The following MROH7 variants were observed in gnomAD, a reference collection of about 807,000 sequenced individuals.
MROH7 encodes the protein maestro heat-like repeat-containing protein family member 7.
MROH7 carries 113 observed loss-of-function variants against 129.2 expected under a neutral mutation model. That is an observed-to-expected ratio of 0.87 (90% CI 0.75 to 1.02). MROH7 has a LOEUF of 1.02. Ranked by LOEUF, MROH7 falls within the 50% of genes least tolerant of loss-of-function variation. MROH7 has a pLI of 0.00. For missense variants in MROH7, 1,601 were observed against 1,671.3 expected (o/e 0.96, Z 0.73); for synonymous variants, 655 against 667.9 (o/e 0.98, Z 0.30).
rs138481816 is a variant in MROH7, at chr1:54,653,879, A to G, written c.953A>G (p.Asn318Ser). 1,218 of 1,613,586 alleles carry G rather than the reference A, an allele frequency of 7.5e-4. No homozygotes were observed. Among genetic ancestry groups the G allele is most frequent in the Non-Finnish European group, 7.9e-4 (934 of 1,179,888 alleles). ...ISLHSSTHEP[N>S]STISPPSCMT... ...CTGCACTCCAGCACCCATGAGCCCA[A>G]CTCCACCATCTCTCCACCCTCATGC... The change falls in exon 3 of 24, where the codon AAC becomes AGC. Residue 318 changes from asparagine to serine, a missense_variant. Transcript: ENST00000421030.
chr1:54,648,368 ATTTAT>A (rs1485597484), intron 1 of MROH7, among the ~76,000 whole-genome samples: 1 of 149,470 alleles, frequency 6.7e-6, no homozygotes, highest in African/African-American at 2.5e-5. Flanking sequence ...TTATTTATTT[ATTTAT>A]TTATTTTTTG....
intron 3 of MROH7, chr1:54,663,865 C>G (rs41297849): frequency 9.2e-6 from 4 of 434,334 alleles, no homozygotes; most frequent in Admixed American, 2.7e-5. Context: ...AAGCTAAGAT[C>G]TTGGTGTTGG....
rs1308873626 is a variant in MROH7 at position 54,653,552 on chromosome 1, C to T, written c.626C>T (p.Ser209Phe). ...KALLIPTSNS[S>F]LDLDSNPLLN... ...CTCCTTATTCCAACCTCAAACTCTT[C>T]TCTGGACCTTGACTCCAATCCATTG... Residue 209 changes from serine (S) to phenylalanine (F), a missense_variant, in exon 3 of 24, where the codon TCT becomes TTT. Coordinates refer to ENST00000421030, the MANE Select transcript of MROH7 (RefSeq NM_001039464.4). The T allele has an allele frequency of 6.2e-7, 1 of 1,614,174 alleles. No individual in the cohort carries two copies.
rs1644598321 is a variant in MROH7, at chr1:54,653,854, C to T, written c.928C>T (p.Leu310=). The T allele has an allele frequency of 5.0e-6, 8 of 1,613,976 alleles. No individual in the cohort carries two copies. The highest frequency in any genetic ancestry group is 5.9e-6 in the Non-Finnish European group (7 of 1,179,960). ...TCCTGGCTCCAGCTATGGTATCAGCCTGCACTCCAGCACCCATGAGCCCAA... is the reference window on the plus strand; with the variant it reads ...TCCTGGCTCCAGCTATGGTATCAGCTTGCACTCCAGCACCCATGAGCCCAA... ...LIPGSSYGIS[L]HSSTHEPNST... The change falls in exon 3 of 24, where the codon CTG becomes TTG. Residue 310 remains leucine, a synonymous_variant. Coordinates refer to ENST00000421030, the MANE Select transcript of MROH7 (RefSeq NM_001039464.4).
rs79674244 is a variant in MROH7 at position 54,703,733 on chromosome 1, T to C, written c.3564+988T>C. 2.1e-4 allele frequency among the ~76,000 whole-genome samples: 32 copies of C among 152,270 alleles called. No homozygotes were observed. The East Asian group carries it at 5.8e-3, about 28-fold the overall frequency. On this transcript the variant is annotated intron_variant, in intron 21 of 23. Coordinates refer to ENST00000421030, the MANE Select transcript of MROH7 (RefSeq NM_001039464.4). This position sits in a 1 kb window ranked among gnomAD's most constrained non-coding sequence, Gnocchi z 4.4. ...GGAGGATTTGCCCGCGGTCTCAATCTACCTTCCCTGTTGTTGTGGGCAGCA... is the reference window on the plus strand; with the variant it reads ...GGAGGATTTGCCCGCGGTCTCAATCCACCTTCCCTGTTGTTGTGGGCAGCA...
chr1:54,707,200 C>A (rs1360573336), intron 22 of MROH7, among the ~76,000 whole-genome samples: 1 of 152,146 alleles, frequency 6.6e-6, no homozygotes, highest in Non-Finnish European at 1.5e-5. Flanking sequence ...CCGACAGGAC[C>A]CTTCTGATGG....
intron 21 of MROH7, among the ~76,000 whole-genome samples, chr1:54,704,102 C>T (rs747119504): frequency 7.2e-5 from 11 of 152,202 alleles, no homozygotes; most frequent in Admixed American, 2.6e-4. Flanking sequence ...TACAAAGCCA[C>T]AAATTGTTAC....
intron 15 of MROH7, among the ~76,000 whole-genome samples, chr1:54,689,065 C>T (rs1218754899): frequency 6.6e-6 from 1 of 152,126 alleles, no homozygotes; most frequent in Non-Finnish European, 1.5e-5. Context: ...TGGTGGCCCC[C>T]GAAAGACATG....
intron 3 of MROH7, among the ~76,000 whole-genome samples, chr1:54,658,804 GA>G (rs1230370336): frequency 6.6e-6 from 1 of 152,102 alleles, no homozygotes; most frequent in African/African-American, 2.4e-5. Context: ...TGGTAGTGGG[GA>G]TGGGGGTGCT....
chr1:54,657,206 C>T (rs936673646), intron 3 of MROH7, among the ~76,000 whole-genome samples: 5 of 151,500 alleles, frequency 3.3e-5, no homozygotes, highest in Admixed American at 6.6e-5. Context: ...TGCCACCCTA[C>T]TCAGCTAATT....
Position 54,673,236 on chromosome 1 carries a change from A to G in MROH7, c.1695+50A>G, listed in dbSNP as rs767428043. 1.8e-5 allele frequency: 26 copies of G among 1,440,226 alleles called. No individual in the cohort carries two copies. In the East Asian group the frequency reaches 6.1e-4, roughly 34 times the overall value. 89.2% of individuals were successfully genotyped at this position (1,440,226 alleles called of 1,614,324 possible). A position where few individuals can be genotyped will look rare whatever the true frequency, so the allele number is the denominator to read the frequency against. ...AGGGAGGGGAGGAAGGGTGGAGGGAAGAGAGAAATTGGTGCAGGAGCAGTG... is the reference window on the plus strand; with the variant it reads ...AGGGAGGGGAGGAAGGGTGGAGGGAGGAGAGAAATTGGTGCAGGAGCAGTG... On this transcript the variant is annotated intron_variant, in intron 8 of 23. Coordinates refer to ENST00000421030, the MANE Select transcript of MROH7 (RefSeq NM_001039464.4).
intron 10 of MROH7, among the ~76,000 whole-genome samples, chr1:54,676,495 C>T (rs1038049880): frequency 4.9e-4 from 74 of 152,068 alleles, no homozygotes; most frequent in African/African-American, 1.7e-3. Context: ...TTGCAACCTC[C>T]GCCTCCCAGG....
chr1:54,668,249 G>A (rs1001433508), intron 4 of MROH7, among the ~76,000 whole-genome samples: 9 of 152,190 alleles, frequency 5.9e-5, no homozygotes, highest in African/African-American at 2.2e-4. Flanking sequence ...GTTGTAAAAT[G>A]AGCCAAGATT....
intron 10 of MROH7, among the ~76,000 whole-genome samples, 175 bp from the exon 11 acceptor site, chr1:54,678,567 G>T (rs1645016961): frequency 6.6e-6 from 1 of 152,182 alleles, no homozygotes; most frequent in Non-Finnish European, 1.5e-5. Context: ...GTGCACAAGA[G>T]GGGCTTCTGG....
At chr1:54,657,684 AC>A (rs1644669916) in intron 3 of MROH7, among the ~76,000 whole-genome samples, 1 of 146,766 alleles carries the variant, frequency 6.8e-6, no homozygotes, top group African/African-American at 2.5e-5. Flanking sequence ...CCCTATCTTA[AC>A]CTTTTTTTTT....
chr1:54,645,910 C>A (rs1569842971), intron 1 of MROH7, among the ~76,000 whole-genome samples: 1 of 152,284 alleles, frequency 6.6e-6, no homozygotes, highest in East Asian at 1.9e-4. Context: ...ACCTCTGCTT[C>A]CCAAAGTGCT....
intron 10 of MROH7, among the ~76,000 whole-genome samples, chr1:54,677,407 CAAACA>C (rs961983336): frequency 9.9e-5 from 15 of 152,156 alleles, no homozygotes; most frequent in East Asian, 1.9e-4. Flanking sequence ...TCAAAACAAA[CAAACA>C]AAACAAAACA....
chr1:54,661,028 T>C (rs1288497986), intron 3 of MROH7, among the ~76,000 whole-genome samples: 1 of 151,578 alleles, frequency 6.6e-6, no homozygotes, highest in Non-Finnish European at 1.5e-5. Flanking sequence ...TTTTTTTTAA[T>C]TTCAGAAGGG....
intron 17 of MROH7, among the ~76,000 whole-genome samples, chr1:54,696,168 C>A (rs1645318910): frequency 6.6e-6 from 1 of 152,084 alleles, no homozygotes; most frequent in Admixed American, 6.6e-5. Flanking sequence ...TATTCCATGC[C>A]CCGTTTTAGA....
Sources: allele counts gnomAD v4.1 joint callset (sites outside exome capture counted in the v4.1 genomes callset), GRCh38; gene constraint gnomAD v4.1.1; non-coding constraint Gnocchi (gnomAD v3.1); transcripts MANE v1.5; gene names NCBI Gene and HGNC (gene_info 2026-07-23, HGNC 2026-07-21).